DPP6: variants seen among roughly 807,000 people sequenced by gnomAD.
The protein encoded by DPP6 is dipeptidyl peptidase like 6, also known as A-type potassium channel modulatory protein DPP6.
A neutral mutation model predicts 122.6 loss-of-function variants in DPP6; 69 were observed. That is an observed-to-expected ratio of 0.56 (90% CI 0.46 to 0.69). The LOEUF is 0.69. Ranked by LOEUF, DPP6 falls within the 30% of genes least tolerant of loss-of-function variation. DPP6 has a pLI of 0.00. For synonymous variants in DPP6, 418 were observed against 433.1 expected (o/e 0.97, Z 0.43); for missense variants, 928 against 1,116.9 (o/e 0.83, Z 2.41).
chr7:153,971,803 C>T (rs1796029652), intron 1 of DPP6, among the ~76,000 whole-genome samples: 2 of 143,162 alleles, frequency 1.4e-5, no homozygotes, highest in African/African-American at 5.2e-5. Context: ...CACCTCCTCT[C>T]CAACACCCTG....
intron 4 of DPP6, among the ~76,000 whole-genome samples, chr7:154,565,094 A>T (rs1325588422): frequency 6.6e-6 from 1 of 152,174 alleles, no homozygotes. Context: ...GGCACAACTC[A>T]TGGGTTGTTG....
intron 1 of DPP6, among the ~76,000 whole-genome samples, chr7:154,036,036 G>A (rs9640339): frequency 6.6e-6 from 1 of 151,744 alleles, no homozygotes; most frequent in Non-Finnish European, 1.5e-5. Flanking sequence ...GTGTGTGTGT[G>A]TGTGTGTGTG....
In DPP6 at chr7:154,692,109, A is replaced by C. The variant is rs185285843; in HGVS notation, c.762+22668A>C. 3.3e-5 allele frequency among the ~76,000 whole-genome samples: 5 copies of C among 152,342 alleles called. No homozygotes were observed. The East Asian group carries it at 9.7e-4, about 29-fold the overall frequency. On this transcript the variant is annotated intron_variant, in intron 7 of 25. Coordinates refer to ENST00000377770, the MANE Select transcript of DPP6 (RefSeq NM_130797.4). The stretch of plus-strand genomic sequence containing the variant: ...TTAAAGGCAATAACTTATAGGCAGC[A>C]TTCCTTATGTGGTAAATGTTAGTTC...
At position 154,268,442 on chromosome 7, in the gene DPP6, A is replaced by G. The variant is rs146006312; in HGVS notation, c.244-177772A>G. Among the ~76,000 whole-genome samples, 1,177 of 152,276 alleles carry G rather than the reference A, an allele frequency of 7.7e-3. 24 individuals carry two copies. Among genetic ancestry groups the G allele is most frequent in the African/African-American group, 0.025 (1,056 of 41,552 alleles). Reference sequence around the variant, plus strand: ...ATCTTGCTGTATTCTCATATGGTGGATGGGACTAGAGGTCTCCCTCTGGGA... The same window carrying G: ...ATCTTGCTGTATTCTCATATGGTGGGTGGGACTAGAGGTCTCCCTCTGGGA... On this transcript the variant is annotated intron_variant, in intron 1 of 25. Transcript: ENST00000377770.
In DPP6 at chr7:154,483,452, C is replaced by T. The variant is rs117638034; in HGVS notation, c.457+8415C>T. 0.011 allele frequency among the ~76,000 whole-genome samples: 1,627 copies of T among 151,808 alleles called. 16 individuals carry two copies. Among genetic ancestry groups the T allele is most frequent in the Non-Finnish European group, 0.017 (1,133 of 67,976 alleles). On this transcript the variant is annotated intron_variant, in intron 3 of 25. Transcript: ENST00000377770. This position sits in a 1 kb window ranked among gnomAD's most constrained non-coding sequence, Gnocchi z 8.1. ...GATTCATGAATTGGGCAGCTCCAAA[C>T]CAGAAGTGGTTCTGGGGTTCTACCA...
chr7:153,778,909 T>C, the DPP6 span, among the ~76,000 whole-genome samples: 2 of 149,138 alleles, frequency 1.3e-5, no homozygotes, highest in Non-Finnish European at 2.9e-5. Context: ...TTATTCATAG[T>C]CATTCCAAAT....
At chr7:153,928,735 A>G (rs1801038785) in intron 1 of DPP6, among the ~76,000 whole-genome samples, 1 of 151,978 alleles carries the variant, frequency 6.6e-6, no homozygotes, top group Non-Finnish European at 1.5e-5. Context: ...CAAGGTACAA[A>G]TTTTGGGGGA....
intron 1 of DPP6, among the ~76,000 whole-genome samples, chr7:153,966,591 G>C (rs1488046340): frequency 1.5e-4 from 1 of 6,868 alleles, no homozygotes; most frequent in Non-Finnish European, 2.7e-4. Flanking sequence ...TTTTTTTACT[G>C]CATATAGCCC....
chr7:154,794,787 C>T (rs1452656834), intron 11 of DPP6, among the ~76,000 whole-genome samples: 2 of 10,158 alleles, frequency 2.0e-4, no homozygotes, highest in Admixed American at 1.8e-3. Context: ...AGGCGGCCCA[C>T]GGCCTCACCC....
intron 1 of DPP6, among the ~76,000 whole-genome samples, chr7:154,073,995 A>C (rs1178295839): frequency 8.7e-5 from 13 of 148,956 alleles, no homozygotes; most frequent in East Asian, 3.9e-4. Flanking sequence ...TCTAAAATAT[A>C]TATCTATGTA....
At chr7:154,238,246 T>C (rs1801347530) in intron 1 of DPP6, among the ~76,000 whole-genome samples, 1 of 152,226 alleles carries the variant, frequency 6.6e-6, no homozygotes. Flanking sequence ...CAGGCAGTGT[T>C]TGATGGCTGA....
chr7:154,656,509 C>T (rs1464841180), intron 6 of DPP6, among the ~76,000 whole-genome samples: 1 of 152,098 alleles, frequency 6.6e-6, no homozygotes, highest in Non-Finnish European at 1.5e-5. Flanking sequence ...ACGGGGAGGC[C>T]ACGGACTTTG....
intron 7 of DPP6, among the ~76,000 whole-genome samples, chr7:154,717,471 A>G (rs1841554185): frequency 1.3e-5 from 2 of 152,178 alleles, no homozygotes; most frequent in African/African-American, 2.4e-5. Context: ...TTTAGATGCC[A>G]CATATGAGTG....
intron 1 of DPP6, among the ~76,000 whole-genome samples, chr7:153,991,108 G>A (rs1370566476): frequency 5.9e-5 from 9 of 152,164 alleles, no homozygotes; most frequent in Non-Finnish European, 2.9e-5. Context: ...CCCTTATGCC[G>A]TAAAGGCCAG....
At chr7:154,858,811 C>G (rs146163075) in intron 17 of DPP6, among the ~76,000 whole-genome samples, 1 of 152,180 alleles carries the variant, frequency 6.6e-6, no homozygotes, top group Non-Finnish European at 1.5e-5. Flanking sequence ...GCCCCTTAGC[C>G]CCCAGGCAGC....
intron 1 of DPP6, among the ~76,000 whole-genome samples, chr7:154,043,805 GCTT>G (rs948629245): frequency 1.4e-5 from 2 of 139,670 alleles, no homozygotes; most frequent in African/African-American, 5.4e-5. Flanking sequence ...GCCTTACACT[GCTT>G]CTTCTTTTAC....
At chr7:153,748,410 T>A in the DPP6 span, among the ~76,000 whole-genome samples, 6 of 110,300 alleles carry the variant, frequency 5.4e-5, no homozygotes, top group Non-Finnish European at 9.4e-5. Context: ...AGCCTGAGCT[T>A]TTGAGGGTGA....
At chr7:154,130,942 A>G (rs190565587) in intron 1 of DPP6, among the ~76,000 whole-genome samples, 2 of 152,262 alleles carry the variant, frequency 1.3e-5, no homozygotes, top group South Asian at 2.1e-4. Flanking sequence ...GCTCATAGAG[A>G]AATAAGTTTT....
At chr7:154,326,398 A>C (rs1057297259) in intron 1 of DPP6, among the ~76,000 whole-genome samples, 2 of 152,142 alleles carry the variant, frequency 1.3e-5, no homozygotes, top group African/African-American at 4.8e-5. Flanking sequence ...TAAAAGTCAG[A>C]GCTCAAAGTC....
Sources: gnomAD v4.1 joint callset for allele counts (sites outside exome capture counted in the v4.1 genomes callset) on GRCh38, gnomAD v4.1.1 for gene constraint, Gnocchi (gnomAD v3.1) non-coding constraint, MANE v1.5 for transcripts, NCBI Gene and HGNC (gene_info 2026-07-23, HGNC 2026-07-21) for gene names.